NIPAL2: variants seen among roughly 807,000 people sequenced by gnomAD.
The protein encoded by NIPAL2 is NIPA like domain containing 2.
A neutral mutation model predicts 48.9 loss-of-function variants in NIPAL2; 43 were observed. That is an observed-to-expected ratio of 0.88 (90% CI 0.69 to 1.13). NIPAL2 has a LOEUF of 1.13. Among genes scored for constraint, NIPAL2 ranks in the 50% most tolerant of loss-of-function variants. The pLI, the probability that NIPAL2 is intolerant of heterozygous loss-of-function variation, is 0.00. For synonymous variants in NIPAL2, 167 were observed against 174.6 expected, an observed-to-expected ratio of 0.96 and a Z score of 0.34; for missense variants, 446 against 461.4, an observed-to-expected ratio of 0.97 and a Z score of 0.31.
At chr8:98,286,835 C>CAAAAA (rs1491234267) in intron 1 of NIPAL2, among the ~76,000 whole-genome samples, 20 of 101,980 alleles carry the variant, frequency 2.0e-4, no homozygotes, top group African/African-American at 4.8e-4. Context: ...AAAAAAAAAA[C>CAAAAA]CAAAAACAAA....
intron 6 of NIPAL2, 59 bp downstream of exon 6, chr8:98,212,346 C>A: frequency 1.1e-6 from 1 of 906,136 alleles, no homozygotes; most frequent in South Asian, 1.5e-5. Context: ...TTCCTTCAAA[C>A]CTCATTTATG....
intron 6 of NIPAL2, among the ~76,000 whole-genome samples, chr8:98,209,445 C>CAAAAAAAA (rs33923448): frequency 0.051 from 3,569 of 69,612 alleles, 153 homozygotes; most frequent in African/African-American, 0.074. Context: ...CCTGTCTCTC[C>CAAAAAAAA]AAAAAAAAAA....
chr8:98,281,472 TA>T (rs1429005986), intron 1 of NIPAL2, among the ~76,000 whole-genome samples: 2 of 152,112 alleles, frequency 1.3e-5, no homozygotes, highest in Non-Finnish European at 2.9e-5. Context: ...AATGTGCCTT[TA>T]AAAATAACTA....
At chr8:98,281,652 T>G (rs1448694034) in intron 1 of NIPAL2, among the ~76,000 whole-genome samples, 2 of 152,024 alleles carry the variant, frequency 1.3e-5, no homozygotes, top group African/African-American at 2.4e-5. Context: ...ATTAAAAAAT[T>G]TTAAAAGGGA....
chr8:98,204,094 A>G (rs963605635), intron 7 of NIPAL2, among the ~76,000 whole-genome samples: 12 of 152,174 alleles, frequency 7.9e-5, no homozygotes, highest in Admixed American at 5.2e-4. Context: ...TTTACCCCCA[A>G]TTGTGTCTGC....
intron 4 of NIPAL2, among the ~76,000 whole-genome samples, chr8:98,234,280 T>C (rs1033048145): frequency 1.3e-5 from 2 of 152,234 alleles, no homozygotes; most frequent in African/African-American, 4.8e-5. Flanking sequence ...TGAATCTATA[T>C]TATCATGGAC....
At chr8:98,193,465 G>C in intron 10 of NIPAL2, 1 of 1,574,026 alleles carries the variant, frequency 6.4e-7, no homozygotes, top group Non-Finnish European at 8.7e-7. Context: ...GCCTTTGATA[G>C]TGACTTCTAA....
intron 8 of NIPAL2, among the ~76,000 whole-genome samples, chr8:98,198,398 A>G (rs1284502707): frequency 1.3e-5 from 2 of 152,228 alleles, no homozygotes; most frequent in African/African-American, 4.8e-5. Flanking sequence ...AATGGTTAAT[A>G]AGCATTGGCT....
chr8:98,246,741 T>C (rs572937879), intron 3 of NIPAL2, among the ~76,000 whole-genome samples: 3 of 152,338 alleles, frequency 2.0e-5, no homozygotes, highest in African/African-American at 7.2e-5. Context: ...TTCTAGTTAC[T>C]TTTAATCAAT....
At position 98,205,218 on chromosome 8, in the gene NIPAL2, G is replaced by A. The variant is rs372369740; in HGVS notation, c.684C>T (p.Ala228=). ...LASLTVISVK[A]VSGMITFSVM... Reference sequence around the variant, plus strand: ...CAGAAAAAGTGATCATGCCTGAGACGGCCTTTACTGAAATAACAGTCAATG... The same window carrying A: ...CAGAAAAAGTGATCATGCCTGAGACAGCCTTTACTGAAATAACAGTCAATG... Residue 228 remains alanine, a synonymous_variant, in exon 7 of 11, where the codon GCC becomes GCT. Transcript: ENST00000430223. 5.5e-5 allele frequency: 89 copies of A among 1,612,252 alleles called. No individual in the cohort carries two copies. In the Admixed American group the frequency reaches 5.5e-4, roughly 10 times the overall value.
chr8:98,224,758 T>TTTC (rs1554566252), intron 4 of NIPAL2, among the ~76,000 whole-genome samples: 7 of 137,734 alleles, frequency 5.1e-5, no homozygotes, highest in Non-Finnish European at 9.1e-5. Flanking sequence ...TTCTTTTCTT[T>TTTC]TTTTTTTTTT....
At chr8:98,210,546 A>G (rs1031892467) in intron 6 of NIPAL2, among the ~76,000 whole-genome samples, 3 of 152,234 alleles carry the variant, frequency 2.0e-5, no homozygotes, top group Non-Finnish European at 4.4e-5. Context: ...AACGTTACAC[A>G]GGCACTTGAA....
At chr8:98,274,828 T>C (rs1815365553) in intron 1 of NIPAL2, among the ~76,000 whole-genome samples, 3 of 152,126 alleles carry the variant, frequency 2.0e-5, no homozygotes, top group Admixed American at 1.3e-4. Context: ...TGTAGTTATC[T>C]TGGTTTTCCT....
rs774802731 is a variant in NIPAL2, at chr8:98,252,656, A to G, written c.205-22T>C. The G allele has an allele frequency of 1.2e-5, 19 of 1,596,170 alleles. No individual in the cohort carries two copies. In the East Asian group the frequency reaches 4.3e-4, roughly 36 times the overall value. ...ATTTCTGAAAGTAAATCAGAAGACA[A>G]ATAAGAAAACATTCTGAGCTATGAG... On this transcript the variant is annotated intron_variant, in intron 2 of 10. Coordinates refer to ENST00000430223, the MANE Select transcript of NIPAL2 (RefSeq NM_001321635.2).
At chr8:98,211,038 A>G (rs1423306260) in intron 6 of NIPAL2, among the ~76,000 whole-genome samples, 2 of 152,152 alleles carry the variant, frequency 1.3e-5, no homozygotes, top group African/African-American at 4.8e-5. Context: ...GGTTGAGAGG[A>G]GCAGATATTA....
At chr8:98,279,228 G>A (rs1342865029) in intron 1 of NIPAL2, among the ~76,000 whole-genome samples, 1 of 152,116 alleles carries the variant, frequency 6.6e-6, no homozygotes, top group Non-Finnish European at 1.5e-5. Flanking sequence ...TTAAAAGATG[G>A]TGGTTTGATT....
intron 8 of NIPAL2, among the ~76,000 whole-genome samples, chr8:98,196,611 C>T (rs1289193369): frequency 6.6e-6 from 1 of 152,260 alleles, no homozygotes; most frequent in African/African-American, 2.4e-5. Context: ...GCATCATCTA[C>T]TTTGATGAAC....
intron 1 of NIPAL2, among the ~76,000 whole-genome samples, chr8:98,287,277 G>A (rs1816232796): frequency 1.3e-5 from 2 of 152,124 alleles, no homozygotes; most frequent in African/African-American, 2.4e-5. Context: ...AGTGCTACAC[G>A]CACCACCTTT....
At chr8:98,216,982 T>A (rs1171082645) in intron 5 of NIPAL2, 1 of 849,216 alleles carries the variant, frequency 1.2e-6, no homozygotes, top group African/African-American at 1.8e-5. Flanking sequence ...GCTTTTAACA[T>A]GCTAACAGAG....
Sources: allele counts gnomAD v4.1 joint callset (sites outside exome capture counted in the v4.1 genomes callset), GRCh38; gene constraint gnomAD v4.1.1; transcripts MANE v1.5; gene names NCBI Gene and HGNC (gene_info 2026-07-23, HGNC 2026-07-21).